Variants in PPP2CB observed in about 807,000 individuals in gnomAD.
The protein encoded by PPP2CB is serine/threonine-protein phosphatase 2A catalytic subunit beta isoform.
A neutral mutation model predicts 39.1 loss-of-function variants in PPP2CB; 18 were observed. The ratio of observed to expected loss-of-function variants is 0.46; its 90% CI spans 0.32 to 0.68. The LOEUF is 0.68. Among genes scored for constraint, PPP2CB ranks in the 30% least tolerant of loss-of-function variants. The probability of loss-of-function intolerance (pLI) is 0.04; values close to 1 mark genes in which losing one functional copy is unlikely to be tolerated. For missense variants in PPP2CB, 226 were observed against 396.9 expected (o/e 0.57, Z 3.66); for synonymous variants, 129 against 133.8 (o/e 0.96, Z 0.25).
chr8:30,797,775 C>G, intron 2 of PPP2CB, 21 bp from the exon 3 acceptor site: 2 of 1,605,922 alleles, frequency 1.2e-6, no homozygotes, highest in Non-Finnish European at 1.7e-6. Flanking sequence ...AGGAGTAAAA[C>G]CCATAGTAAA....
At chr8:30,809,175 A>G (rs930934961) in intron 1 of PPP2CB, among the ~76,000 whole-genome samples, 11 of 151,868 alleles carry the variant, frequency 7.2e-5, no homozygotes, top group African/African-American at 2.7e-4. Context: ...CGGCCTCCCA[A>G]AATGCTGGGA....
At chr8:30,807,793 A>T (rs1334767795) in intron 1 of PPP2CB, among the ~76,000 whole-genome samples, 1 of 152,234 alleles carries the variant, frequency 6.6e-6, no homozygotes, top group Non-Finnish European at 1.5e-5. Flanking sequence ...CTGATGCAGG[A>T]ATGAATCACA....
At chr8:30,788,525 C>CTAAT (rs1046359972) in intron 6 of PPP2CB, among the ~76,000 whole-genome samples, 8 of 152,310 alleles carry the variant, frequency 5.3e-5, no homozygotes, top group African/African-American at 1.9e-4. Context: ...GTTGGGATTA[C>CTAAT]TTGTGTGAGC....
chr8:30,808,463 G>C (rs1045286494), intron 1 of PPP2CB, among the ~76,000 whole-genome samples: 16 of 151,960 alleles, frequency 1.1e-4, no homozygotes, highest in Non-Finnish European at 1.9e-4. Flanking sequence ...ACCATCATAC[G>C]ATGTAACTTC....
intron 6 of PPP2CB, 128 bp from the exon 7 acceptor site, chr8:30,786,435 TG>T: frequency 1.4e-6 from 1 of 706,652 alleles, no homozygotes; most frequent in East Asian, 2.8e-5. Flanking sequence ...CACTTACGGC[TG>T]GAATGGCCAT....
rs1806586717 is a variant in PPP2CB at position 30,799,614 on chromosome 8, A to G, written c.244T>C (p.Phe82Leu). The G allele has an allele frequency of 6.2e-7, 1 of 1,613,868 alleles. No homozygotes were observed. The highest frequency in any genetic ancestry group is 1.1e-5 in the South Asian group (1 of 91,086). Residue 82 changes from phenylalanine (F) to leucine (L), a missense_variant, in exon 2 of 7, where the codon TTC (phenylalanine) becomes CTC (leucine). Transcript: ENST00000221138. ...CCTCTGTCTACATAGTCACCCATGA[A>G]TAAGTAGTTTGTATCCGGTGATTTT... ...GGKSPDTNYL[F>L]MGDYVDRGYY...
At chr8:30,791,567 C>T in intron 5 of PPP2CB, 1 of 300,022 alleles carries the variant, frequency 3.3e-6, no homozygotes, top group South Asian at 7.8e-5. Flanking sequence ...GAAATCTTGG[C>T]AAGGATGTGT....
chr8:30,807,980 A>G (rs1317842373), intron 1 of PPP2CB, among the ~76,000 whole-genome samples: 1 of 152,146 alleles, frequency 6.6e-6, no homozygotes, highest in East Asian at 1.9e-4. Flanking sequence ...ACACCATACC[A>G]TTCATACTCT....
At chr8:30,794,520 A>G in intron 3 of PPP2CB, 1 of 428,474 alleles carries the variant, frequency 2.3e-6, no homozygotes, top group Non-Finnish European at 4.1e-6. Flanking sequence ...TCTCTGGTCA[A>G]TGGTATCCCC....
intron 1 of PPP2CB, among the ~76,000 whole-genome samples, chr8:30,802,588 C>T (rs188363319): frequency 5.3e-5 from 8 of 152,206 alleles, no homozygotes; most frequent in Admixed American, 3.3e-4. Context: ...TCAAGCAGTC[C>T]TCCCACTCAG....
rs1806428496 is a variant in PPP2CB at position 30,791,515 on chromosome 8, TA to T, written c.739-201del. 12 of 429,466 alleles carry T rather than the reference TA, an allele frequency of 2.8e-5. No homozygotes were observed. The South Asian group carries it at 5.4e-4, about 19-fold the overall frequency. The allele number at this position is 429,466 out of a possible 1,614,324, so 26.6% of individuals were successfully genotyped here. On this transcript the variant is annotated intron_variant, in intron 5 of 6. Coordinates refer to ENST00000221138, the MANE Select transcript of PPP2CB (RefSeq NM_001009552.2). ...GCAATTCGTGGGCCTAGGAGTCTGT[TA>T]AATGCAGCTCGCTAATTGTTGTTTT...
intron 1 of PPP2CB, among the ~76,000 whole-genome samples, chr8:30,808,310 G>A (rs1192383139): frequency 6.6e-6 from 1 of 152,004 alleles, no homozygotes; most frequent in African/African-American, 2.4e-5. Flanking sequence ...TGTTGCCCGT[G>A]CTGGTCTCGA....
intron 1 of PPP2CB, 75 bp downstream of exon 1, chr8:30,812,245 G>A (rs911651168): frequency 2.1e-5 from 24 of 1,150,140 alleles, no homozygotes; most frequent in East Asian, 1.1e-4. Flanking sequence ...AGGGGCGGAC[G>A]GGACCGGGGC....
At chr8:30,794,574 T>G (rs1194438302) in intron 3 of PPP2CB, 6 of 303,764 alleles carry the variant, frequency 2.0e-5, no homozygotes. Context: ...CTTTTTTTTC[T>G]CCCTCCCCAC....
chr8:30,811,645 G>A lies in PPP2CB; in HGVS notation c.102+675C>T, dbSNP rs1806828874. ...CGAATAGCTGGGATTACAGGCACCC[G>A]CCGTCACACCCTGCTAATTAAAAAA... On this transcript the variant is annotated intron_variant, in intron 1 of 6. Transcript: ENST00000221138. 2.6e-5 allele frequency among the ~76,000 whole-genome samples: 4 copies of A among 151,508 alleles called. 1 individual carries two copies. Among genetic ancestry groups the A allele is most frequent in the South Asian group, 4.2e-4 (2 of 4,800 alleles).
chr8:30,798,531 G>A (rs1806562587), intron 2 of PPP2CB, among the ~76,000 whole-genome samples: 1 of 152,208 alleles, frequency 6.6e-6, no homozygotes, highest in East Asian at 1.9e-4. Context: ...GTTGGCTGGA[G>A]CAAGAGACTA....
intron 1 of PPP2CB, among the ~76,000 whole-genome samples, chr8:30,810,836 C>T (rs983207599): frequency 6.6e-6 from 1 of 152,186 alleles, no homozygotes; most frequent in Non-Finnish European, 1.5e-5. Flanking sequence ...TAACTTAACA[C>T]CATCTATTAG....
intron 2 of PPP2CB, among the ~76,000 whole-genome samples, chr8:30,798,636 T>C (rs914539901): frequency 3.9e-5 from 6 of 152,336 alleles, no homozygotes; most frequent in African/African-American, 1.4e-4. Context: ...TTTCTCAGAA[T>C]GTATGCCTGC....
intron 1 of PPP2CB, among the ~76,000 whole-genome samples, chr8:30,806,727 C>T (rs1011627907): frequency 4.6e-5 from 7 of 152,090 alleles, no homozygotes; most frequent in African/African-American, 1.2e-4. Context: ...AACATTCGTA[C>T]TGAAGAGAAA....
Sources: allele counts gnomAD v4.1 joint callset (sites outside exome capture counted in the v4.1 genomes callset), GRCh38; gene constraint gnomAD v4.1.1; transcripts MANE v1.5; gene names NCBI Gene and HGNC (gene_info 2026-07-23, HGNC 2026-07-21).